The following ASTN2 variants were observed in gnomAD, a reference collection of about 807,000 sequenced individuals.
The protein encoded by ASTN2 is astrotactin 2.
A neutral mutation model predicts 139.8 loss-of-function variants in ASTN2; 54 were observed. The observed-to-expected ratio is 0.39, with a 90% CI of 0.31 to 0.48. ASTN2 has a LOEUF of 0.48. ASTN2 is among the 20% of genes least tolerant of loss of function. The pLI, the probability that ASTN2 is intolerant of heterozygous loss-of-function variation, is 0.95. For synonymous variants in ASTN2, 756 were observed against 719.5 expected (o/e 1.05, Z -0.81); for missense variants, 1,565 against 1,725.1 (o/e 0.91, Z 1.64).
intron 19 of ASTN2, among the ~76,000 whole-genome samples, chr9:116,541,064 T>C (rs1413483650): frequency 1.3e-5 from 2 of 151,984 alleles, no homozygotes; most frequent in African/African-American, 2.4e-5. Context: ...GGAATGGACA[T>C]TGAGGAAAGA....
intron 20 of ASTN2, among the ~76,000 whole-genome samples, chr9:116,459,251 T>C (rs905365448): frequency 5.9e-5 from 9 of 151,970 alleles, no homozygotes; most frequent in African/African-American, 2.2e-4. Flanking sequence ...ACACCATGTA[T>C]AAAAATTAAA....
At chr9:117,382,724 C>T (rs894899963) in intron 1 of ASTN2, among the ~76,000 whole-genome samples, 37 of 152,066 alleles carry the variant, frequency 2.4e-4, no homozygotes, top group Admixed American at 6.6e-4. Flanking sequence ...AAATAGACCA[C>T]GATTAATCAG....
rs189243463 is a variant in ASTN2 at position 117,053,336 on chromosome 9, C to G, written c.1277-13371G>C. Among the ~76,000 whole-genome samples, 67 of 152,136 alleles carry G rather than the reference C, an allele frequency of 4.4e-4. No individual in the cohort carries two copies. The East Asian group carries it at 0.013, about 29-fold the overall frequency. On this transcript the variant is annotated intron_variant, in intron 5 of 22. Transcript: ENST00000313400. ...ATGTGGTTGTGCATACCTGCAGTCCCAGGTACTCAAGAGGCTGAGGTAGGA... is the reference window on the plus strand; with the variant it reads ...ATGTGGTTGTGCATACCTGCAGTCCGAGGTACTCAAGAGGCTGAGGTAGGA...
In ASTN2 at chr9:117,414,689, TC is replaced by T; in HGVS notation, c.249del (p.Trp83Ter). 8.0e-7 allele frequency: 1 copy of T among 1,249,306 alleles called. No individual in the cohort carries two copies. Among genetic ancestry groups the T allele is most frequent in the Non-Finnish European group, 1.0e-6 (1 of 1,000,196 alleles). The allele number at this position is 1,249,306 out of a possible 1,614,324, so 77.4% of individuals were successfully genotyped here. A position where few individuals can be genotyped will look rare whatever the true frequency, so the allele number is the denominator to read the frequency against. On this transcript the variant is annotated frameshift_variant, in exon 1 of 23. Transcript: ENST00000313400. LOFTEE classifies it high-confidence loss of function. This position sits in a 1 kb window ranked among gnomAD's most constrained non-coding sequence, Gnocchi z 4.2. ...LPALRESDIG[W>X]SGARAGAGAG... ...GCCCCGGCCCCGGCGCGGGCGCCGC[TC>T]CAGCCGATGTCGCTCTCCCGCAGGG...
chr9:117,328,362 AAAAGACAG>A (rs560895562), intron 1 of ASTN2, among the ~76,000 whole-genome samples: 14 of 152,154 alleles, frequency 9.2e-5, no homozygotes, highest in Non-Finnish European at 2.1e-4. Flanking sequence ...AGAAGAGAAA[AAAAGACAG>A]AAAGAAAGAA....
At chr9:116,695,658 A>C (rs1860809868) in intron 16 of ASTN2, among the ~76,000 whole-genome samples, 1 of 152,212 alleles carries the variant, frequency 6.6e-6, no homozygotes, top group African/African-American at 2.4e-5. Context: ...GCACAGATAC[A>C]GCTGTAGGAT....
chr9:117,211,369 G>A (rs544394410), intron 3 of ASTN2, among the ~76,000 whole-genome samples: 4 of 152,318 alleles, frequency 2.6e-5, no homozygotes, highest in African/African-American at 9.6e-5. Flanking sequence ...GAGAACTGGT[G>A]GTGGGAGGTG....
chr9:117,071,237 C>T (rs1402271353), intron 5 of ASTN2, among the ~76,000 whole-genome samples: 2 of 151,660 alleles, frequency 1.3e-5, no homozygotes, highest in African/African-American at 4.8e-5. Context: ...ATAGACAGGA[C>T]CCTCAGCTGC....
At chr9:116,581,535 C>T (rs2131712441) in intron 19 of ASTN2, among the ~76,000 whole-genome samples, 1 of 152,286 alleles carries the variant, frequency 6.6e-6, no homozygotes, top group South Asian at 2.1e-4. Flanking sequence ...ACCCGACAAC[C>T]CCCCAAATTC....
chr9:117,403,356 C>T (rs1346741584), intron 1 of ASTN2, among the ~76,000 whole-genome samples: 1 of 152,204 alleles, frequency 6.6e-6, no homozygotes, highest in African/African-American at 2.4e-5. Context: ...TGCAGCCTCC[C>T]ATGGGGACCC....
At chr9:116,541,625 T>G (rs779024521) in intron 19 of ASTN2, among the ~76,000 whole-genome samples, 1 of 152,124 alleles carries the variant, frequency 6.6e-6, no homozygotes, top group African/African-American at 2.4e-5. Context: ...CTGCACCAGA[T>G]TGGGGAAGTG....
At chr9:116,645,224 C>T (rs998801778) in intron 17 of ASTN2, among the ~76,000 whole-genome samples, 22 of 152,208 alleles carry the variant, frequency 1.4e-4, no homozygotes, top group African/African-American at 5.1e-4. Context: ...GCTAAGTTAA[C>T]AACCACACAA....
chr9:117,271,047 C>T (rs574592796), intron 2 of ASTN2, among the ~76,000 whole-genome samples: 20 of 152,202 alleles, frequency 1.3e-4, no homozygotes, highest in East Asian at 5.8e-4. Flanking sequence ...TTTAGCATAG[C>T]GGCTACTAGC....
At chr9:116,632,260 A>AG (rs1491359395) in intron 17 of ASTN2, among the ~76,000 whole-genome samples, 2 of 121,486 alleles carry the variant, frequency 1.6e-5, no homozygotes, top group East Asian at 2.5e-4. Context: ...AAGGAAAGAA[A>AG]GAAAGAAAGA....
At chr9:117,024,421 G>T (rs1953179) in intron 6 of ASTN2, among the ~76,000 whole-genome samples, 72,571 of 150,422 alleles carry the variant, frequency 0.48, 18,137 homozygotes, top group Non-Finnish European at 0.56. Flanking sequence ...TTTTTAAAAA[G>T]TTATTGTTAA....
chr9:116,595,705 T>A (rs1263420145), intron 19 of ASTN2, among the ~76,000 whole-genome samples: 2 of 152,082 alleles, frequency 1.3e-5, no homozygotes, highest in Non-Finnish European at 2.9e-5. Flanking sequence ...TTTCATGACA[T>A]ATGACAATAG....
chr9:117,127,059 T>C (rs1251399680), intron 4 of ASTN2, among the ~76,000 whole-genome samples: 1 of 152,162 alleles, frequency 6.6e-6, no homozygotes, highest in Non-Finnish European at 1.5e-5. Context: ...GGATAATTGC[T>C]CTGACTTGGA....
At chr9:116,923,096 C>T (rs185082391) in intron 10 of ASTN2, among the ~76,000 whole-genome samples, 11 of 152,360 alleles carry the variant, frequency 7.2e-5, no homozygotes, top group African/African-American at 2.6e-4. Context: ...AAGGTTCAGA[C>T]TCAAACAAAG....
intron 19 of ASTN2, among the ~76,000 whole-genome samples, chr9:116,489,836 T>C (rs1475681668): frequency 6.6e-6 from 1 of 152,196 alleles, no homozygotes; most frequent in East Asian, 1.9e-4. Context: ...AGACAATACA[T>C]GGTTCATAGA....
Sources: allele counts gnomAD v4.1 joint callset (sites outside exome capture counted in the v4.1 genomes callset), GRCh38; gene constraint gnomAD v4.1.1; non-coding constraint Gnocchi (gnomAD v3.1); transcripts MANE v1.5; gene names NCBI Gene and HGNC (gene_info 2026-07-23, HGNC 2026-07-21).